Variants in PBX1 observed in about 807,000 individuals in gnomAD.
PBX1 encodes pre-B-cell leukemia transcription factor 1.
Under a neutral mutation model 53.4 loss-of-function variants are expected in PBX1, and 6 were observed. That is an observed-to-expected ratio of 0.11 (90% CI 0.06 to 0.22). PBX1 has a LOEUF of 0.22. PBX1 is among the 10% of genes least tolerant of loss of function. The pLI is 1.00. For synonymous variants in PBX1, 204 were observed against 212.3 expected (o/e 0.96, Z 0.34); for missense variants, 251 against 551.4 (o/e 0.46, Z 5.46).
At chr1:164,728,054 G>A (rs2102127855) in intron 2 of PBX1, among the ~76,000 whole-genome samples, 2 of 152,300 alleles carry the variant, frequency 1.3e-5, no homozygotes, top group South Asian at 4.1e-4. Context: ...GCTGGGCGTG[G>A]TGGCTCATGC....
intron 2 of PBX1, among the ~76,000 whole-genome samples, chr1:164,634,160 A>G (rs573086365): frequency 8.5e-5 from 13 of 152,164 alleles, no homozygotes; most frequent in Admixed American, 4.6e-4. Context: ...TCTTGTTTGG[A>G]GGTAGCTCCA....
chr1:164,819,935 C>T, intron 6 of PBX1, 137 bp from the exon 7 acceptor site: 1 of 614,818 alleles, frequency 1.6e-6, no homozygotes, highest in African/African-American at 1.9e-5. Flanking sequence ...ACTAACCAGA[C>T]TCTGTTGATG....
chr1:164,598,870 G>A (rs1655952043), intron 2 of PBX1, among the ~76,000 whole-genome samples: 1 of 152,084 alleles, frequency 6.6e-6, no homozygotes, highest in Non-Finnish European at 1.5e-5. Context: ...GGTAGGAAGG[G>A]GAGGGATCAT....
intron 2 of PBX1, among the ~76,000 whole-genome samples, chr1:164,709,013 A>G (rs1663601253): frequency 6.6e-6 from 1 of 152,220 alleles, no homozygotes; most frequent in East Asian, 1.9e-4. Context: ...GTGTACACAC[A>G]GCCGCGGAGA....
At chr1:164,652,849 A>G (rs1445297597) in intron 2 of PBX1, among the ~76,000 whole-genome samples, 1 of 150,540 alleles carries the variant, frequency 6.6e-6, no homozygotes, top group Non-Finnish European at 1.5e-5. Flanking sequence ...CCCCACCGCC[A>G]TAGTTTATTT....
chr1:164,834,756 A>G (rs562406579), intron 8 of PBX1, among the ~76,000 whole-genome samples: 13 of 152,350 alleles, frequency 8.5e-5, no homozygotes, highest in African/African-American at 3.1e-4. Flanking sequence ...TCTCTGGGGA[A>G]AAGAGTCTGA....
Position 164,700,145 on chromosome 1 carries a change from T to A in PBX1, c.266-92349T>A, listed in dbSNP as rs1343987049. ...CCCTTGGCATGCTGATTTCCCTTTG[T>A]GGGTTCCAGGGCTTTTCGCTGGGTC... is the stretch of plus-strand genomic sequence containing the variant. On this transcript the variant is annotated intron_variant, in intron 2 of 8. Transcript: ENST00000420696. Among the ~76,000 whole-genome samples the A allele has an allele frequency of 2.6e-5, 4 of 152,364 alleles. No homozygotes were observed. The South Asian group carries it at 8.3e-4, about 32-fold the overall frequency.
At position 164,846,792 on chromosome 1, in the gene PBX1, C is replaced by G. The variant is rs963859438; in HGVS notation, c.*116C>G. The G allele has an allele frequency of 1.6e-5, 26 of 1,578,610 alleles. No homozygotes were observed. In the African/African-American group the frequency reaches 2.6e-4, roughly 16 times the overall value. The stretch of plus-strand genomic sequence containing the variant: ...ACTGGAGGTCGAAGCAATCAGCAAA[C>G]ACAATAAGAGTCTCCTTCTCTTCTC... On this transcript the variant is annotated 3_prime_UTR_variant, in exon 9 of 9. Coordinates refer to ENST00000420696, the MANE Select transcript of PBX1 (RefSeq NM_002585.4).
intron 2 of PBX1, among the ~76,000 whole-genome samples, chr1:164,772,548 G>A (rs151132427): frequency 6.8e-4 from 103 of 152,326 alleles, no homozygotes; most frequent in African/African-American, 2.4e-3. Flanking sequence ...TTGTCACCAG[G>A]ATCACATATC....
chr1:164,858,633 G>A (rs1672028294), intron 2 of PBX1, among the ~76,000 whole-genome samples: 1 of 152,190 alleles, frequency 6.6e-6, no homozygotes, highest in African/African-American at 2.4e-5. Flanking sequence ...TGGGGTGACT[G>A]TGCAGTGTGG....
intron 2 of PBX1, among the ~76,000 whole-genome samples, chr1:164,648,084 G>GGATT (rs1384012444): frequency 6.6e-6 from 1 of 152,078 alleles, no homozygotes; most frequent in African/African-American, 2.4e-5. Context: ...CAAAGTGCTG[G>GGATT]GATTGCAGGC....
At chr1:164,638,579 TACAC>T (rs548505951) in intron 2 of PBX1, among the ~76,000 whole-genome samples, 34 of 152,298 alleles carry the variant, frequency 2.2e-4, no homozygotes, top group African/African-American at 6.3e-4. Context: ...GACACACACA[TACAC>T]TCACACACAC....
intron 2 of PBX1, among the ~76,000 whole-genome samples, chr1:164,596,990 T>C (rs991683760): frequency 6.6e-6 from 1 of 152,192 alleles, no homozygotes; most frequent in African/African-American, 2.4e-5. Flanking sequence ...GTCTCCTGAA[T>C]TGGATCAGTT....
At position 164,592,421 on chromosome 1, in the gene PBX1, T is replaced by A. The variant is rs530485437; in HGVS notation, c.265+29110T>A. On this transcript the variant is annotated intron_variant, in intron 2 of 8. Coordinates refer to ENST00000420696, the MANE Select transcript of PBX1 (RefSeq NM_002585.4). ...GCCCAACTTTCCAAAGTTAAGATCA[T>A]CCCTGGCAGGCCTTTAATTCTCAAG... is the stretch of plus-strand genomic sequence containing the variant. Among the ~76,000 whole-genome samples, 75 of 152,318 alleles carry A rather than the reference T, an allele frequency of 4.9e-4. 1 individual carries two copies. In the South Asian group the frequency reaches 6.6e-3, roughly 13 times the overall value.
At chr1:164,816,715 A>G (rs1240796296) in intron 6 of PBX1, 2 of 152,312 alleles carry the variant, frequency 1.3e-5, no homozygotes, top group Non-Finnish European at 2.9e-5. Context: ...CTCCCACAAT[A>G]AAGAATATTT....
intron 2 of PBX1, among the ~76,000 whole-genome samples, chr1:164,779,407 T>C (rs16834785): frequency 0.011 from 1,723 of 152,222 alleles, 35 homozygotes; most frequent in African/African-American, 0.04. Context: ...AGTAGCAATG[T>C]TGGCAAAATT....
intron 8 of PBX1, among the ~76,000 whole-genome samples, chr1:164,822,849 C>G (rs1332564997): frequency 1.3e-5 from 2 of 152,262 alleles, no homozygotes; most frequent in East Asian, 3.9e-4. Flanking sequence ...TCTGATGGAC[C>G]TTTCTCACAG....
At chr1:164,801,340 CTGTT>C (rs760385401) in intron 4 of PBX1, among the ~76,000 whole-genome samples, 1 of 151,730 alleles carries the variant, frequency 6.6e-6, no homozygotes, top group Non-Finnish European at 1.5e-5. Context: ...CTGGTGGCCT[CTGTT>C]TGGGTCCTTC....
Position 164,776,909 on chromosome 1 carries a change from G to GTA in PBX1, c.266-15584_266-15583insAT, listed in dbSNP as rs1469074851. 1.1e-3 allele frequency among the ~76,000 whole-genome samples: 144 copies of GTA among 130,310 alleles called. 1 individual carries two copies. The highest frequency in any genetic ancestry group is 2.2e-3 in the Admixed American group (28 of 12,522). 85.5% of individuals were successfully genotyped at this position (130,310 alleles called of 152,430 possible). A position where few individuals can be genotyped will look rare whatever the true frequency, so the allele number is the denominator to read the frequency against. On this transcript the variant is annotated intron_variant, in intron 2 of 8. Transcript: ENST00000420696. ...CTTGTGGTTTTACATTTGTGTGTGT[G>GTA]TGTGTGTGTGTGTGTGTGTGTGTGT...
Sources: allele counts gnomAD v4.1 joint callset (sites outside exome capture counted in the v4.1 genomes callset), GRCh38; gene constraint gnomAD v4.1.1; transcripts MANE v1.5; gene names NCBI Gene and HGNC (gene_info 2026-07-23, HGNC 2026-07-21).